The following GABRB3 variants were observed in gnomAD, a reference collection of about 807,000 sequenced individuals.
GABRB3 encodes gamma-aminobutyric acid receptor subunit beta-3.
In GABRB3, 14 loss-of-function variants were observed where a neutral mutation model predicts 52.1. The observed-to-expected ratio is 0.27, with a 90% CI of 0.18 to 0.42. The LOEUF is 0.42. Among genes scored for constraint, GABRB3 ranks in the 10% least tolerant of loss-of-function variants. The pLI is 1.00. For missense variants in GABRB3, 307 were observed against 609.1 expected, an observed-to-expected ratio of 0.50 and a Z score of 5.22; for synonymous variants, 260 against 232.3, an observed-to-expected ratio of 1.12 and a Z score of -1.08.
At chr15:26,654,887 C>A (rs1328732276) in intron 3 of GABRB3, among the ~76,000 whole-genome samples, 1 of 152,014 alleles carries the variant, frequency 6.6e-6, no homozygotes, top group African/African-American at 2.4e-5. Context: ...TGCTGGAGTA[C>A]AACAGCACGA....
upstream of GABRB3, chr15:26,773,627 G>A (rs376837906): frequency 3.5e-5 from 54 of 1,549,066 alleles, no homozygotes; most frequent in African/African-American, 6.2e-4. Context: ...GCAGAACGCC[G>A]GGAAGCCCCC....
At chr15:26,557,337 C>T (rs1290614051) in intron 8 of GABRB3, among the ~76,000 whole-genome samples, 1 of 152,104 alleles carries the variant, frequency 6.6e-6, no homozygotes, top group Non-Finnish European at 1.5e-5. Flanking sequence ...ATGCTCATTA[C>T]CTGGGTGAGG....
chr15:26,586,118 C>T (rs1233245904), intron 4 of GABRB3, among the ~76,000 whole-genome samples: 1 of 152,014 alleles, frequency 6.6e-6, no homozygotes, highest in Non-Finnish European at 1.5e-5. Context: ...CCTGCCTCAG[C>T]CTCCCAAGTA....
intron 4 of GABRB3, among the ~76,000 whole-genome samples, chr15:26,595,508 G>T (rs1566764945): frequency 1.3e-5 from 2 of 152,246 alleles, no homozygotes; most frequent in East Asian, 3.9e-4. Flanking sequence ...GTTACTGTGA[G>T]CCTTAAACTG....
chr15:26,629,604 G>A (rs1381095955), intron 3 of GABRB3, among the ~76,000 whole-genome samples: 2 of 152,134 alleles, frequency 1.3e-5, no homozygotes, highest in East Asian at 1.9e-4. Flanking sequence ...GGATGCAGAA[G>A]TGTCCTCGTC....
chr15:26,671,274 CA>C (rs1348488643), intron 3 of GABRB3, among the ~76,000 whole-genome samples: 7 of 152,160 alleles, frequency 4.6e-5, no homozygotes, highest in African/African-American at 1.7e-4. Context: ...GAGAAACTTC[CA>C]TCACTAAGTG....
At chr15:26,580,482 G>C (rs773987349) in intron 5 of GABRB3, 26 bp from the exon 6 acceptor site, 8 of 1,613,970 alleles carry the variant, frequency 5.0e-6, no homozygotes, top group Middle Eastern at 3.3e-4. Flanking sequence ...CAGGGAGACA[G>C]CAAACATCAC....
At chr15:26,724,892 T>C (rs1244540683) in intron 3 of GABRB3, among the ~76,000 whole-genome samples, 3 of 152,258 alleles carry the variant, frequency 2.0e-5, no homozygotes, top group Non-Finnish European at 2.9e-5. Flanking sequence ...TCCCAGCCTA[T>C]CAGAATGGCC....
chr15:26,763,336 A>G (rs947768583), intron 3 of GABRB3, among the ~76,000 whole-genome samples: 1 of 152,196 alleles, frequency 6.6e-6, no homozygotes. Flanking sequence ...AACACCCAAA[A>G]AAGAGAATCT....
intron 3 of GABRB3, among the ~76,000 whole-genome samples, chr15:26,771,329 G>C (rs1595362701): frequency 6.6e-6 from 1 of 152,020 alleles, no homozygotes; most frequent in South Asian, 2.1e-4. Flanking sequence ...GAATCCCTTG[G>C]AGTGAGGAAC....
intron 3 of GABRB3, among the ~76,000 whole-genome samples, chr15:26,709,489 G>A (rs1012654884): frequency 5.4e-5 from 8 of 149,166 alleles, no homozygotes; most frequent in African/African-American, 1.7e-4. Context: ...CATGAGCCAC[G>A]TAAACCTCTT....
chr15:26,691,955 C>T (rs1029867386), intron 3 of GABRB3, among the ~76,000 whole-genome samples: 1 of 152,142 alleles, frequency 6.6e-6, no homozygotes, highest in African/African-American at 2.4e-5. Context: ...TCACTGGAGC[C>T]TTACACCAGG....
chr15:26,642,427 A>G, intron 3 of GABRB3: 1 of 1,256,730 alleles, frequency 8.0e-7, no homozygotes, highest in Non-Finnish European at 1.0e-6. Context: ...ATATATGTAT[A>G]CATACATTTT....
chr15:26,717,121 G>GACAGCCCAGTTCTGGGGACATCCA lies in GABRB3; in HGVS notation c.240+55280_240+55281insTGGATGTCCCCAGAACTGGGCTGT, dbSNP rs1479565879. On this transcript the variant is annotated intron_variant, in intron 3 of 8. Coordinates refer to ENST00000311550, the MANE Select transcript of GABRB3 (RefSeq NM_000814.6). The stretch of plus-strand genomic sequence containing the variant: ...TGACAGCCCAGTTCTGGGGACATCC[G>GACAGCCCAGTTCTGGGGACATCCA]CCCAATGACAGCCCAGCTCTGAGGA... Among the ~76,000 whole-genome samples the GACAGCCCAGTTCTGGGGACATCCA allele has an allele frequency of 4.2e-5, 5 of 119,502 alleles. No individual in the cohort carries two copies. In the East Asian group the frequency reaches 8.7e-4, roughly 21 times the overall value. 78.4% of individuals were successfully genotyped at this position (119,502 alleles called of 152,430 possible). A position where few individuals can be genotyped will look rare whatever the true frequency, so the allele number is the denominator to read the frequency against.
intron 3 of GABRB3, among the ~76,000 whole-genome samples, chr15:26,679,212 A>G (rs927117068): frequency 6.6e-6 from 1 of 152,084 alleles, no homozygotes; most frequent in Admixed American, 6.5e-5. Context: ...TTTTGGGGGG[A>G]AAGTCCCTCT....
intron 3 of GABRB3, among the ~76,000 whole-genome samples, chr15:26,626,366 T>C (rs893168329): frequency 1.5e-4 from 23 of 152,090 alleles, no homozygotes; most frequent in African/African-American, 5.3e-4. Flanking sequence ...AGCCCTCCAA[T>C]GGCCTCTAAG....
chr15:26,683,102 CAA>C (rs3046018), intron 3 of GABRB3, among the ~76,000 whole-genome samples: 35,542 of 152,038 alleles, frequency 0.23, 5,110 homozygotes, highest in East Asian at 0.36. Context: ...GAGCTGCTCA[CAA>C]AAAACTCTTC....
At chr15:26,754,628 T>C (rs1890607199) in intron 3 of GABRB3, among the ~76,000 whole-genome samples, 1 of 152,192 alleles carries the variant, frequency 6.6e-6, no homozygotes, top group Non-Finnish European at 1.5e-5. Context: ...TCTCATTAAC[T>C]ACATGGAAAA....
chr15:26,635,291 A>T (rs1893028714), intron 3 of GABRB3, among the ~76,000 whole-genome samples: 1 of 151,866 alleles, frequency 6.6e-6, no homozygotes, highest in African/African-American at 2.4e-5. Flanking sequence ...ATTCATCCCC[A>T]TTCTGACTGT....
Sources: gnomAD v4.1 joint callset for allele counts (sites outside exome capture counted in the v4.1 genomes callset) on GRCh38, gnomAD v4.1.1 for gene constraint, MANE v1.5 for transcripts, NCBI Gene and HGNC (gene_info 2026-07-23, HGNC 2026-07-21) for gene names.